Variants in SCAND3 observed in about 807,000 individuals in gnomAD.
The protein encoded by SCAND3 is SCAN domain containing 3.
chr6:28,572,617 T>A, the SCAND3 span: 1 of 1,614,046 alleles, frequency 6.2e-7, no homozygotes, highest in Non-Finnish European at 8.5e-7. This position sits in a 1 kb window ranked among gnomAD's most constrained non-coding sequence, Gnocchi z 4.1. Flanking sequence ...TTTAAAAAGT[T>A]GGGACCACAT....
chr6:28,593,379 G>GTT, the SCAND3 span, among the ~76,000 whole-genome samples: 507 of 147,284 alleles, frequency 3.4e-3, 2 homozygotes, highest in Non-Finnish European at 4.6e-3. Context: ...ATTAGAATGA[G>GTT]TTTTTTTTTT....
At chr6:28,610,242 C>G in the SCAND3 span, among the ~76,000 whole-genome samples, 1 of 152,004 alleles carries the variant, frequency 6.6e-6, no homozygotes, top group African/African-American at 2.4e-5. Context: ...ACACAAGAGG[C>G]CAAGCATGGT....
chr6:28,607,861 A>G, the SCAND3 span, among the ~76,000 whole-genome samples: 1 of 152,214 alleles, frequency 6.6e-6, no homozygotes, highest in Non-Finnish European at 1.5e-5. Context: ...CCAGGCATCC[A>G]AATATCTCTT....
At chr6:28,573,774 A>G in the SCAND3 span, 2 of 1,574,060 alleles carry the variant, frequency 1.3e-6, no homozygotes, top group Non-Finnish European at 1.7e-6. Context: ...TACTGTGTTC[A>G]GAAAAGGCAT....
the SCAND3 span, chr6:28,579,518 A>G: frequency 8.9e-7 from 1 of 1,122,614 alleles, no homozygotes; most frequent in Non-Finnish European, 1.3e-6. The surrounding 1 kb of genome is among the most constrained non-coding windows in gnomAD (Gnocchi z 4.5). Flanking sequence ...TAAGAAGAAA[A>G]TCAGTCTTTA....
the SCAND3 span, among the ~76,000 whole-genome samples, chr6:28,613,967 CT>C: frequency 0.012 from 1,761 of 143,002 alleles, 7 homozygotes; most frequent in African/African-American, 0.013. Flanking sequence ...CTTTTCTTTT[CT>C]TTTTTTTTTT....
At chr6:28,616,200 T>A in the SCAND3 span, 1 of 152,304 alleles carries the variant, frequency 6.6e-6, no homozygotes, top group Non-Finnish European at 1.5e-5. The surrounding 1 kb of genome is among the most constrained non-coding windows in gnomAD (Gnocchi z 4.3). Context: ...CATCCGGGAC[T>A]GCGCTGACCT....
chr6:28,607,158 G>C, the SCAND3 span, among the ~76,000 whole-genome samples: 5 of 152,314 alleles, frequency 3.3e-5, no homozygotes, highest in South Asian at 2.1e-4. Context: ...CTGTGGTTGG[G>C]GGTGTAGCTC....
At chr6:28,598,891 A>G in the SCAND3 span, among the ~76,000 whole-genome samples, 2 of 148,654 alleles carry the variant, frequency 1.3e-5, no homozygotes, top group African/African-American at 2.5e-5. Context: ...AAAAAAAAAA[A>G]AAAGAAAAAA....
chr6:28,606,603 G>T, the SCAND3 span, among the ~76,000 whole-genome samples: 1 of 152,234 alleles, frequency 6.6e-6, no homozygotes, highest in East Asian at 1.9e-4. Context: ...CTAGACGTGC[G>T]GATCTGGGTG....
the SCAND3 span, chr6:28,590,841 G>A: frequency 1.3e-5 from 2 of 152,156 alleles, no homozygotes; most frequent in Non-Finnish European, 2.9e-5. Context: ...CCCGTTATGT[G>A]TGCTTGATTG....
the SCAND3 span, among the ~76,000 whole-genome samples, chr6:28,607,515 C>T: frequency 2.1e-5 from 2 of 94,436 alleles, no homozygotes; most frequent in Non-Finnish European, 5.1e-5. Flanking sequence ...TTGTTTTATT[C>T]ACTGTTTTTT....
chr6:28,589,934 G>A, the SCAND3 span: 1 of 141,928 alleles, frequency 7.0e-6, no homozygotes, highest in Non-Finnish European at 1.5e-5. Context: ...CCATCTTGAT[G>A]AGACAATTCA....
the SCAND3 span, chr6:28,587,269 T>G: frequency 2.6e-5 from 4 of 152,690 alleles, no homozygotes; most frequent in African/African-American, 9.7e-5. Flanking sequence ...ACAGCTCAGG[T>G]GGAGGTTCCG....
At chr6:28,572,636 T>C in the SCAND3 span, 3 of 1,614,016 alleles carry the variant, frequency 1.9e-6, no homozygotes, top group Admixed American at 5.0e-5. This position sits in a 1 kb window ranked among gnomAD's most constrained non-coding sequence, Gnocchi z 4.1. Context: ...ATGGGTTTCT[T>C]GCCTTGCAGA....
chr6:28,572,124 A>T, the SCAND3 span: 1 of 1,614,064 alleles, frequency 6.2e-7, no homozygotes, highest in South Asian at 1.1e-5. The surrounding 1 kb of genome is among the most constrained non-coding windows in gnomAD (Gnocchi z 4.1). Flanking sequence ...CAGGATAGTC[A>T]TTTTTAGCTT....
At chr6:28,610,080 C>T in the SCAND3 span, among the ~76,000 whole-genome samples, 2 of 152,008 alleles carry the variant, frequency 1.3e-5, no homozygotes, top group Non-Finnish European at 2.9e-5. Flanking sequence ...AAAAATTAGC[C>T]GGGCATGGTG....
chr6:28,606,748 G>A, the SCAND3 span, among the ~76,000 whole-genome samples: 1 of 152,166 alleles, frequency 6.6e-6, no homozygotes, highest in African/African-American at 2.4e-5. Flanking sequence ...TTTTGGAAAC[G>A]GAAGTGATTT....
At chr6:28,604,490 C>G in the SCAND3 span, among the ~76,000 whole-genome samples, 4 of 151,944 alleles carry the variant, frequency 2.6e-5, no homozygotes, top group African/African-American at 9.7e-5. Context: ...GTGGCACACC[C>G]CTGTAATCCC....
Sources: gnomAD v4.1 joint callset for allele counts (sites outside exome capture counted in the v4.1 genomes callset) on GRCh38, gnomAD v4.1.1 for gene constraint, Gnocchi (gnomAD v3.1) non-coding constraint, MANE v1.5 for transcripts, NCBI Gene and HGNC (gene_info 2026-07-23, HGNC 2026-07-21) for gene names.